The following CFAP47 variants were observed in gnomAD, a reference collection of about 807,000 sequenced individuals.
CFAP47 encodes the protein cilia and flagella associated protein 47.
A neutral mutation model predicts 148.1 loss-of-function variants in CFAP47; 29 were observed. The ratio of observed to expected loss-of-function variants is 0.20; its 90% CI spans 0.15 to 0.27. The LOEUF (loss-of-function observed/expected upper bound fraction) is 0.27, where lower values mean the gene tolerates loss of function less well. Ranked by LOEUF, CFAP47 falls within the 10% of genes least tolerant of loss-of-function variation. The pLI is 1.00. For synonymous variants in CFAP47, 664 were observed against 577.3 expected (o/e 1.15, Z -2.15); for missense variants, 1,872 against 1,697.5 (o/e 1.10, Z -1.81).
In CFAP47 at chrX:35,957,643, A is replaced by G. The variant is rs73197108; in HGVS notation, c.1410+1447A>G. Among the ~76,000 whole-genome samples the G allele has an allele frequency of 6.1e-3, 682 of 111,879 alleles. 4 individuals carry two copies. The highest frequency in any genetic ancestry group is 0.033 in the Middle Eastern group (7 of 215). ...TAGTCCAAGTCTCTTAAACCTACCG[A>G]CTCAATTATTTTTCTCCAGTAACAT... On this transcript the variant is annotated intron_variant, in intron 8 of 63. Transcript: ENST00000378653.
Position 35,926,112 on chromosome X carries a change from T to G in CFAP47, c.345T>G (p.Thr115=), listed in dbSNP as rs1361251716. The change falls in exon 2 of 64, where the codon ACT becomes ACG. Residue 115 remains threonine, a synonymous_variant. Coordinates refer to ENST00000378653, the MANE Select transcript of CFAP47 (RefSeq NM_001304548.2). ...ATCATCCTGATAAAGACGAAGACAC[T>G]TTTGACCGGCTACTTATTTCAATAG... ...VEYHPDKDED[T]FDRLLISIEN... is the part of the protein sequence containing the mutation. 8.3e-7 allele frequency: 1 copy of G among 1,205,125 alleles called. No homozygotes were observed. The highest frequency in any genetic ancestry group is 1.1e-6 in the Non-Finnish European group (1 of 891,020).
At chrX:36,155,028 A>G (rs1939351118) in intron 37 of CFAP47, among the ~76,000 whole-genome samples, 1 of 111,036 alleles carries the variant, frequency 9.0e-6, no homozygotes, top group Non-Finnish European at 1.9e-5. Flanking sequence ...TGGGAAGTCC[A>G]AGGGATCCAG....
intron 26 of CFAP47, among the ~76,000 whole-genome samples, chrX:36,052,402 A>C (rs1937523469): frequency 8.9e-6 from 1 of 112,243 alleles, no homozygotes; most frequent in Non-Finnish European, 1.9e-5. Flanking sequence ...GGTACAATAA[A>C]ATTTTGCACA....
At chrX:36,088,459 G>C (rs189618888) in intron 30 of CFAP47, among the ~76,000 whole-genome samples, 41 of 110,808 alleles carry the variant, frequency 3.7e-4, no homozygotes, top group African/African-American at 1.3e-3. Flanking sequence ...TAATCCAATA[G>C]GATGGATGTC....
chrX:36,207,107 G>A (rs1940047222), intron 45 of CFAP47, among the ~76,000 whole-genome samples: 1 of 111,974 alleles, frequency 8.9e-6, no homozygotes, highest in Non-Finnish European at 1.9e-5. Context: ...GCATTCTGCT[G>A]TTCAGAGGTG....
At chrX:36,165,548 T>G (rs1378133215) in intron 39 of CFAP47, among the ~76,000 whole-genome samples, 1 of 111,421 alleles carries the variant, frequency 9.0e-6, no homozygotes, top group East Asian at 2.8e-4. Flanking sequence ...TCATACATAT[T>G]ACATCAATAT....
At chrX:36,160,637 T>C (rs1039076310) in intron 38 of CFAP47, 44 bp from the exon 39 acceptor site, 1 of 287,216 alleles carries the variant, frequency 3.5e-6, no homozygotes, top group Admixed American at 6.3e-5. Flanking sequence ...GAAAGTTCAT[T>C]TTTTGTTATT....
intron 26 of CFAP47, among the ~76,000 whole-genome samples, chrX:36,060,111 A>C (rs1219915294): frequency 9.0e-6 from 1 of 111,706 alleles, no homozygotes; most frequent in Non-Finnish European, 1.9e-5. Context: ...ACCATGAGCC[A>C]TATAAATCTC....
In CFAP47 at chrX:36,335,990, G is replaced by A. The variant is rs183177566; in HGVS notation, c.8444-12139G>A. Among the ~76,000 whole-genome samples, 223 of 110,785 alleles carry A rather than the reference G, an allele frequency of 2.0e-3. 1 individual carries two copies. The highest frequency in any genetic ancestry group is 6.6e-3 in the African/African-American group (201 of 30,460). ...GATAAAGACATACACTATACTTGGC[G>A]TTTGTAATATCTTATCATAAATTTG... On this transcript the variant is annotated intron_variant, in intron 57 of 63. Coordinates refer to ENST00000378653, the MANE Select transcript of CFAP47 (RefSeq NM_001304548.2).
rs751562652 is a variant in CFAP47, at chrX:35,948,297, G to A, written c.518-17G>A. The stretch of plus-strand genomic sequence containing the variant: ...GTAAGGGTCCAGATGTAAATCAACT[G>A]CTCTTATTCCCTATAGGCATATTTA... On this transcript the variant is annotated splice_polypyrimidine_tract_variant and intron_variant, in intron 3 of 63. Coordinates refer to ENST00000378653, the MANE Select transcript of CFAP47 (RefSeq NM_001304548.2). The A allele has an allele frequency of 1.7e-6, 2 of 1,187,681 alleles. No homozygotes were observed. Among genetic ancestry groups the A allele is most frequent in the South Asian group, 3.7e-5 (2 of 54,383 alleles).
At position 36,261,320 on chromosome X, in the gene CFAP47, C is replaced by CTTTTTTTTT. The variant is rs143068749; in HGVS notation, c.7444+9892_7444+9900dup. The stretch of plus-strand genomic sequence containing the variant: ...GCCACCCTATCAGTTAGATACTATT[C>CTTTTTTTTT]TTTTTTTTTTTTTTTTTTTTTTTTC... On this transcript the variant is annotated intron_variant, in intron 49 of 63. Coordinates refer to ENST00000378653, the MANE Select transcript of CFAP47 (RefSeq NM_001304548.2). 2.4e-3 allele frequency among the ~76,000 whole-genome samples: 49 copies of CTTTTTTTTT among 20,446 alleles called. 3 individuals are homozygous for CTTTTTTTTT. The highest frequency in any genetic ancestry group is 4.8e-3 in the African/African-American group (19 of 3,983). 17.8% of individuals were successfully genotyped at this position (20,446 alleles called of 115,157 possible). A position where few individuals can be genotyped will look rare whatever the true frequency, so the allele number is the denominator to read the frequency against.
At chrX:36,358,365 C>A (rs968297487) in intron 60 of CFAP47, among the ~76,000 whole-genome samples, 6 of 111,675 alleles carry the variant, frequency 5.4e-5, no homozygotes, top group African/African-American at 1.6e-4. Context: ...ATTTTCTTTT[C>A]TGACCTAACT....
chrX:36,112,024 A>G (rs1299500788), intron 33 of CFAP47, among the ~76,000 whole-genome samples: 5 of 111,005 alleles, frequency 4.5e-5, no homozygotes, highest in African/African-American at 1.6e-4. Context: ...CTAATGGTCT[A>G]TTTCATTGTT....
At position 36,299,124 on chromosome X, in the gene CFAP47, C is replaced by T. The variant is rs1556007355; in HGVS notation, c.7834C>T (p.Pro2612Ser). 1 of 1,073,450 alleles carries T rather than the reference C, an allele frequency of 9.3e-7. No homozygotes were observed. The highest frequency in any genetic ancestry group is 2.9e-5 in the Admixed American group (1 of 34,541). 88.5% of individuals were successfully genotyped at this position (1,073,450 alleles called of 1,213,427 possible). A position where few individuals can be genotyped will look rare whatever the true frequency, so the allele number is the denominator to read the frequency against. Residue 2612 changes from proline to serine, a missense_variant, in exon 52 of 64, where the codon CCA (proline) becomes TCA (serine). Coordinates refer to ENST00000378653, the MANE Select transcript of CFAP47 (RefSeq NM_001304548.2). ...CACCAAATATATTGTATGGTATTCTCCAGCAACTACAGGCTACAGCGATGA... is the reference window on the plus strand; with the variant it reads ...CACCAAATATATTGTATGGTATTCTTCAGCAACTACAGGCTACAGCGATGA... ...QCTKYIVWYS[P>S]ATTGYSDESI...
chrX:35,965,548 C>G (rs1403134522), intron 8 of CFAP47, among the ~76,000 whole-genome samples: 2 of 111,722 alleles, frequency 1.8e-5, no homozygotes, highest in Non-Finnish European at 3.8e-5. Flanking sequence ...GATTTTTAAA[C>G]TTTTCTATTT....
chrX:36,256,095 C>CA (rs1158639753), intron 49 of CFAP47, among the ~76,000 whole-genome samples: 3 of 111,456 alleles, frequency 2.7e-5, no homozygotes, highest in Non-Finnish European at 5.7e-5. Context: ...TATGAGAATG[C>CA]AAAAAGCTAT....
At chrX:36,089,376 TAAA>T (rs112830556) in intron 30 of CFAP47, among the ~76,000 whole-genome samples, 1 of 108,309 alleles carries the variant, frequency 9.2e-6, no homozygotes, top group Non-Finnish European at 1.9e-5. Context: ...TCTCAAAAAA[TAAA>T]AAAAAGGAAA....
chrX:36,355,434 A>G (rs1205683097), intron 60 of CFAP47, among the ~76,000 whole-genome samples: 2 of 112,151 alleles, frequency 1.8e-5, no homozygotes, highest in South Asian at 7.3e-4. Flanking sequence ...TGTTCATTGT[A>G]ACATTATTAA....
At chrX:35,976,374 C>G (rs1464314057) in intron 15 of CFAP47, among the ~76,000 whole-genome samples, 1 of 110,919 alleles carries the variant, frequency 9.0e-6, no homozygotes, top group African/African-American at 3.3e-5. Flanking sequence ...TGGATGAGAC[C>G]CACCCGCATT....
Sources: gnomAD v4.1 joint callset for allele counts (sites outside exome capture counted in the v4.1 genomes callset) on GRCh38, gnomAD v4.1.1 for gene constraint, MANE v1.5 for transcripts, NCBI Gene and HGNC (gene_info 2026-07-23, HGNC 2026-07-21) for gene names.